KIF1B: variants seen among roughly 807,000 people sequenced by gnomAD.
KIF1B encodes the protein kinesin-like protein KIF1B.
In KIF1B, 76 loss-of-function variants were observed where a neutral mutation model predicts 241.9. The observed-to-expected ratio is 0.31, with a 90% CI of 0.26 to 0.38. The LOEUF is 0.38. KIF1B is among the 10% of genes least tolerant of loss of function. The pLI, the probability that KIF1B is intolerant of heterozygous loss-of-function variation, is 1.00. For missense variants in KIF1B, 1,622 were observed against 2,271.4 expected (o/e 0.71, Z 5.81); for synonymous variants, 750 against 796.7 (o/e 0.94, Z 0.99).
At chr1:10,214,959 T>C (rs1432615549) in intron 1 of KIF1B, among the ~76,000 whole-genome samples, 2 of 151,590 alleles carry the variant, frequency 1.3e-5, no homozygotes, top group Non-Finnish European at 2.9e-5. Flanking sequence ...TATCCTGATA[T>C]GGTTTCCGTG....
chr1:10,276,499 T>C (rs1649116286), intron 12 of KIF1B, 100 bp downstream of exon 12: 1 of 788,664 alleles, frequency 1.3e-6, no homozygotes, highest in Non-Finnish European at 2.2e-6. Flanking sequence ...TAGTTATTTA[T>C]GTAAATAATG....
chr1:10,237,291 G>C (rs754405429), intron 2 of KIF1B, among the ~76,000 whole-genome samples: 2 of 152,092 alleles, frequency 1.3e-5, no homozygotes, highest in Non-Finnish European at 2.9e-5. Flanking sequence ...GGTAAAAAGG[G>C]AAATGAGCCA....
rs187703098 is a variant in KIF1B, at chr1:10,324,211, C to G, written c.2537+149C>G. 20 of 756,328 alleles carry G rather than the reference C, an allele frequency of 2.6e-5. No individual in the cohort carries two copies. The East Asian group carries it at 5.2e-4, about 19-fold the overall frequency. 46.9% of individuals were successfully genotyped at this position (756,328 alleles called of 1,614,324 possible). On this transcript the variant is annotated intron_variant, in intron 25 of 48. Transcript: ENST00000676179. ...ATGCTGTTGTTGGCCAATGGTATTA[C>G]CATCCATCTGTTTTCTTTTAAGTGA...
intron 15 of KIF1B, 100 bp downstream of exon 15, chr1:10,282,633 A>G: frequency 2.1e-6 from 2 of 957,100 alleles, no homozygotes; most frequent in Non-Finnish European, 1.7e-6. Context: ...CATATGGAGA[A>G]CTCTTTGACT....
At chr1:10,241,136 G>A (rs542256870) in intron 2 of KIF1B, among the ~76,000 whole-genome samples, 3 of 152,118 alleles carry the variant, frequency 2.0e-5, no homozygotes, top group Admixed American at 2.0e-4. Context: ...TGTGTGAGAC[G>A]AGGTCTTGCT....
chr1:10,298,803 CT>C (rs1245861353), intron 22 of KIF1B, among the ~76,000 whole-genome samples: 2 of 152,046 alleles, frequency 1.3e-5, no homozygotes, highest in East Asian at 3.9e-4. Context: ...CAAAACAACC[CT>C]CTTTGTTTAC....
chr1:10,243,056 C>T (rs1057388614), intron 2 of KIF1B, among the ~76,000 whole-genome samples: 11 of 152,138 alleles, frequency 7.2e-5, no homozygotes, highest in Non-Finnish European at 1.3e-4. Context: ...CACATTGTTC[C>T]GGTCTGTTAC....
chr1:10,356,031 G>C (rs1638231288), intron 38 of KIF1B, among the ~76,000 whole-genome samples: 1 of 152,104 alleles, frequency 6.6e-6, no homozygotes, highest in African/African-American at 2.4e-5. Flanking sequence ...GAAAATTGAA[G>C]GAAGTGATAC....
intron 1 of KIF1B, among the ~76,000 whole-genome samples, chr1:10,216,957 CTTTTTTTTTTTTTTTTT>C (rs70998362): frequency 1.5e-3 from 84 of 54,528 alleles, no homozygotes; most frequent in African/African-American, 4.0e-3. Context: ...TGCCCATTTT[CTTTTTTTTTTTTTTTTT>C]TTTTTTTTTT....
Position 10,276,379 on chromosome 1 carries a change from T to C in KIF1B, c.1017T>C (p.Asp339=). ...TGAGCCCCGCGGATATCAACTACGA[T>C]GAGACTTTGAGCACTCTGAGGTACT... is the stretch of plus-strand genomic sequence containing the variant. ...AALSPADINY[D]ETLSTLRYAD... The change falls in exon 12 of 49, where the codon GAT becomes GAC. Residue 339 remains aspartate (D), a synonymous_variant. Transcript: ENST00000676179. 1 of 1,613,606 alleles carries C rather than the reference T, an allele frequency of 6.2e-7. No homozygotes were observed. The highest frequency in any genetic ancestry group is 8.5e-7 in the Non-Finnish European group (1 of 1,179,634).
At chr1:10,290,153 TTA>T (rs1309447350) in intron 15 of KIF1B, among the ~76,000 whole-genome samples, 1 of 152,020 alleles carries the variant, frequency 6.6e-6, no homozygotes, top group Non-Finnish European at 1.5e-5. Context: ...TTTAATTTAA[TTA>T]ATTTATTTTT....
At chr1:10,300,990 A>G (rs1650514033) in intron 22 of KIF1B, among the ~76,000 whole-genome samples, 1 of 152,196 alleles carries the variant, frequency 6.6e-6, no homozygotes, top group Non-Finnish European at 1.5e-5. Context: ...AATTATTATT[A>G]TTATTGTGGA....
At chr1:10,268,445 G>C (rs1648591445) in intron 7 of KIF1B, among the ~76,000 whole-genome samples, 182 bp downstream of exon 7, 1 of 151,974 alleles carries the variant, frequency 6.6e-6, no homozygotes, top group Non-Finnish European at 1.5e-5. Context: ...TTCTGTATAG[G>C]TTCTTAAATG....
At chr1:10,339,492 T>TGA (rs1652308358) in intron 31 of KIF1B, among the ~76,000 whole-genome samples, 4 of 152,240 alleles carry the variant, frequency 2.6e-5, no homozygotes, top group Non-Finnish European at 5.9e-5. Context: ...GAGGAGTTAA[T>TGA]TGAATGTACT....
Position 10,282,571 on chromosome 1 carries a change from G to A in KIF1B, c.1434+38G>A, listed in dbSNP as rs3748576. The A allele has an allele frequency of 0.63, 956,062 of 1,524,040 alleles. 304,672 individuals are homozygous for A. The highest frequency in any genetic ancestry group is 0.93 in the African/African-American group (68,296 of 73,280). 94.4% of individuals were successfully genotyped at this position (1,524,040 alleles called of 1,614,324 possible). A position where few individuals can be genotyped will look rare whatever the true frequency, so the allele number is the denominator to read the frequency against. On this transcript the variant is annotated intron_variant, in intron 15 of 48. Transcript: ENST00000676179. The stretch of plus-strand genomic sequence containing the variant: ...TCAGACTGAATACAAGGTATTCTAT[G>A]TAGCTCCACAAGGAAGAACTAGGAG...
At chr1:10,278,274 TTTTTCC>T in intron 13 of KIF1B, 146 bp downstream of exon 13, 1 of 883,798 alleles carries the variant, frequency 1.1e-6, no homozygotes, top group Non-Finnish European at 1.7e-6. Context: ...TTTTGTTTTC[TTTTTCC>T]TTAAAAAACC....
intron 1 of KIF1B, among the ~76,000 whole-genome samples, chr1:10,221,341 G>A (rs1646842807): frequency 6.6e-6 from 1 of 151,916 alleles, no homozygotes; most frequent in Admixed American, 6.6e-5. Flanking sequence ...CAAATGATCT[G>A]TCCGCTTCGG....
Position 10,303,274 on chromosome 1 carries a change from G to T in KIF1B, c.2115+6028G>T. 6.2e-7 allele frequency: 1 copy of T among 1,614,148 alleles called. No individual in the cohort carries two copies. The highest frequency in any genetic ancestry group is 1.3e-5 in the African/African-American group (1 of 75,038). On this transcript the variant is annotated intron_variant, in intron 22 of 48. Coordinates refer to ENST00000676179, the MANE Select transcript of KIF1B (RefSeq NM_001365951.3). The surrounding 1 kb of genome is among the most constrained non-coding windows in gnomAD (Gnocchi z 5.2). ...ACCTCCCAGCAAGTTGCAAACCATT[G>T]TTAAAAAATGTGGCCTCCCAAGCAG... is the stretch of plus-strand genomic sequence containing the variant.
Position 10,343,239 on chromosome 1 carries a change from C to T in KIF1B, c.3640C>T (p.Gln1214Ter). The change falls in exon 34 of 49, where the codon CAG (glutamine) becomes TAG (stop). Residue 1214 changes from glutamine (Q) to a stop codon, truncating the protein, a stop_gained. Coordinates refer to ENST00000676179, the MANE Select transcript of KIF1B (RefSeq NM_001365951.3). LOFTEE classifies it high-confidence loss of function. ...LQGQELNSPPQPCRRFFPPPM... is the reference protein window; with the variant it reads ...LQGQELNSPP The stretch of plus-strand genomic sequence containing the variant: ...GTCTTCCTTTCTTTGCAGTCCGCCT[C>T]AGCCGTGCCGCCGATTCTTCCCTCC... The T allele has an allele frequency of 6.2e-7, 1 of 1,614,214 alleles. No homozygotes were observed. The highest frequency in any genetic ancestry group is 1.1e-5 in the South Asian group (1 of 91,082).
Sources: allele counts gnomAD v4.1 joint callset (sites outside exome capture counted in the v4.1 genomes callset), GRCh38; gene constraint gnomAD v4.1.1; non-coding constraint Gnocchi (gnomAD v3.1); transcripts MANE v1.5; gene names NCBI Gene and HGNC (gene_info 2026-07-23, HGNC 2026-07-21).